The following CEP78 variants were observed in gnomAD, a reference collection of about 807,000 sequenced individuals.
CEP78 encodes the protein centrosomal protein of 78 kDa.
In CEP78, 76 loss-of-function variants were observed where a neutral mutation model predicts 81.2. That is an observed-to-expected ratio of 0.94 (90% CI 0.78 to 1.13). The LOEUF is 1.13. CEP78 is among the 50% of genes most tolerant of loss of function. The pLI, the probability that CEP78 is intolerant of heterozygous loss-of-function variation, is 0.00. For synonymous variants in CEP78, 293 were observed against 301.4 expected (o/e 0.97, Z 0.29); for missense variants, 918 against 846.8 (o/e 1.08, Z -1.04).
intron 10 of CEP78, among the ~76,000 whole-genome samples, chr9:78,254,129 T>C (rs184026586): frequency 6.6e-6 from 1 of 152,176 alleles, no homozygotes; most frequent in Non-Finnish European, 1.5e-5. Flanking sequence ...ACAGGAGAAT[T>C]GCGTTGTTAT....
At position 78,251,391 on chromosome 9, in the gene CEP78, C is replaced by G. The variant is rs111922056; in HGVS notation, c.1070-517C>G. 4.9e-3 allele frequency among the ~76,000 whole-genome samples: 748 copies of G among 152,242 alleles called. 1 individual carries two copies. The highest frequency in any genetic ancestry group is 0.017 in the African/African-American group (706 of 41,552). On this transcript the variant is annotated intron_variant, in intron 8 of 16. Coordinates refer to ENST00000643273, the MANE Select transcript of CEP78 (RefSeq NM_001330691.3). ...TACCTTTAGTCTTACAACTTGAATA[C>G]CTTTTACATGATAAAATTAATCTCA...
chr9:78,256,524 A>ATTTTT (rs35059009), intron 11 of CEP78, among the ~76,000 whole-genome samples: 4 of 76,690 alleles, frequency 5.2e-5, no homozygotes, highest in African/African-American at 1.1e-4. Context: ...CTGCTCCCTT[A>ATTTTT]TTTTTTTTTT....
chr9:78,257,737 C>T (rs1281277597), intron 11 of CEP78, among the ~76,000 whole-genome samples: 1 of 152,200 alleles, frequency 6.6e-6, no homozygotes, highest in Non-Finnish European at 1.5e-5. Context: ...GGAAAAAAAT[C>T]CACTTGAGCT....
intron 3 of CEP78, 31 bp downstream of exon 3, chr9:78,240,395 T>TCGGCCTCCCAA: frequency 6.6e-7 from 1 of 1,523,826 alleles, no homozygotes; most frequent in Non-Finnish European, 8.9e-7. Flanking sequence ...ACTCTTGTCC[T>TCGGCCTCCCAA]ATCAGGCTGG....
chr9:78,275,606 CAAAAAAAAA>C lies in CEP78; in HGVS notation c.*4766_*4774del, dbSNP rs1188633102. ...GGAGACAAGAGGGAAACTCTGTCTC[CAAAAAAAAA>C]AAAAAAAAAATACAGTTAGAAAAAC... On this transcript the variant is annotated 3_prime_UTR_variant, in exon 17 of 17. Coordinates refer to ENST00000643273, the MANE Select transcript of CEP78 (RefSeq NM_001330691.3). The C allele has an allele frequency of 1.5e-5, 1 of 68,174 alleles. No homozygotes were observed. The highest frequency in any genetic ancestry group is 5.1e-5 in the African/African-American group (1 of 19,528). The allele number at this position is 68,174 out of a possible 1,614,324, so 4.2% of individuals were successfully genotyped here. A position where few individuals can be genotyped will look rare whatever the true frequency, so the allele number is the denominator to read the frequency against.
chr9:78,244,039 A>C (rs1826362092), intron 5 of CEP78, among the ~76,000 whole-genome samples: 1 of 151,182 alleles, frequency 6.6e-6, no homozygotes, highest in Admixed American at 6.6e-5. Context: ...TTAATTCCCT[A>C]CTATTTGATA....
rs3824547 is a variant in CEP78 at position 78,253,438 on chromosome 9, G to T, written c.1251+161G>T. 0.58 allele frequency: 343,799 copies of T among 594,492 alleles called. 101,085 individuals are homozygous for T. The highest frequency in any genetic ancestry group is 0.73 in the Admixed American group (26,284 of 36,200). 36.8% of individuals were successfully genotyped at this position (594,492 alleles called of 1,614,324 possible). On this transcript the variant is annotated intron_variant, in intron 10 of 16. Transcript: ENST00000643273. ...GGGTTCTCCCGGTGCCACAGTATAG[G>T]CGTGTGGATATGTCACACAATGGAG...
intron 14 of CEP78, 78 bp downstream of exon 14, chr9:78,265,621 A>G: frequency 3.0e-6 from 4 of 1,336,348 alleles, no homozygotes; most frequent in Admixed American, 2.3e-5. Context: ...AGAGAAAAGA[A>G]TAATGATCTG....
At chr9:78,243,416 T>G (rs1826321247) in intron 4 of CEP78, 46 bp from the exon 5 acceptor site, 2 of 1,528,976 alleles carry the variant, frequency 1.3e-6, no homozygotes, top group East Asian at 4.5e-5. Flanking sequence ...AGTGTTCCTA[T>G]CTCTTTATCC....
Position 78,236,395 on chromosome 9 carries a change from C to T in CEP78, c.45C>T (p.Phe15=), listed in dbSNP as rs748284703. 1.7e-5 allele frequency: 27 copies of T among 1,594,820 alleles called. No individual in the cohort carries two copies. The highest frequency in any genetic ancestry group is 2.3e-5 in the East Asian group (1 of 43,968). Residue 15 remains phenylalanine, a synonymous_variant, in exon 1 of 17, where the codon TTC becomes TTT. Transcript: ENST00000643273. ...VKLRRDSAAD[F]FSHYEYLCAL... is the part of the protein sequence containing the mutation. ...TGCGCCGCGACAGCGCGGCGGACTT[C>T]TTCTCCCACTACGAGTACCTGTGCG...
chr9:78,253,000 A>G (rs958421262), intron 9 of CEP78, among the ~76,000 whole-genome samples: 1 of 152,222 alleles, frequency 6.6e-6, no homozygotes, highest in East Asian at 1.9e-4. Context: ...AATCTGAACC[A>G]TCCTAAACAT....
chr9:78,265,035 A>G (rs1008928173), intron 13 of CEP78, among the ~76,000 whole-genome samples: 1 of 152,156 alleles, frequency 6.6e-6, no homozygotes, highest in Non-Finnish European at 1.5e-5. Context: ...TGTGGGGATG[A>G]AGGTGAGAGG....
intron 16 of CEP78, among the ~76,000 whole-genome samples, chr9:78,268,489 G>T (rs1413415043): frequency 6.6e-6 from 1 of 152,120 alleles, no homozygotes; most frequent in African/African-American, 2.4e-5. Flanking sequence ...GCTCAGGCTT[G>T]CATTTTAGAT....
At chr9:78,248,602 T>G (rs1826609164) in intron 7 of CEP78, among the ~76,000 whole-genome samples, 160 bp from the exon 8 acceptor site, 1 of 152,244 alleles carries the variant, frequency 6.6e-6, no homozygotes. Flanking sequence ...AAATGTCTTT[T>G]CTGTTTTTGT....
intron 16 of CEP78, chr9:78,267,184 T>C: frequency 1.9e-6 from 1 of 521,144 alleles, no homozygotes; most frequent in Non-Finnish European, 3.3e-6. Flanking sequence ...TTTACAACAT[T>C]GATTCAGCAA....
At chr9:78,236,955 A>G (rs1308489610) in intron 1 of CEP78, among the ~76,000 whole-genome samples, 1 of 136,384 alleles carries the variant, frequency 7.3e-6, no homozygotes, top group African/African-American at 2.8e-5. Flanking sequence ...AAATTAATAC[A>G]TGTCAGCCTT....
At chr9:78,248,638 G>T in intron 7 of CEP78, 124 bp from the exon 8 acceptor site, 1 of 626,534 alleles carries the variant, frequency 1.6e-6, no homozygotes. Context: ...CTTTAATTTT[G>T]GGTCCCAGAA....
In CEP78 at chr9:78,276,248, T is replaced by A. The variant is rs1040571352; in HGVS notation, c.*5397T>A. 17 of 152,196 alleles carry A rather than the reference T, an allele frequency of 1.1e-4. No homozygotes were observed. The highest frequency in any genetic ancestry group is 3.3e-4 in the Admixed American group (5 of 15,278). 9.4% of individuals were successfully genotyped at this position (152,196 alleles called of 1,614,324 possible). ...AGTAACTCACTGTAGCTCACTAAAT[T>A]AACAGATTAAAGAAGTATAGTCATC... On this transcript the variant is annotated 3_prime_UTR_variant, in exon 17 of 17. Transcript: ENST00000643273.
rs957109255 is a variant in CEP78 at position 78,266,509 on chromosome 9, C to T, written c.1913C>T (p.Thr638Ile). ...PLDSFPVPVS[T>I]PEGLGTSSNN... is the part of the protein sequence containing the mutation. Reference sequence around the variant, plus strand: ...GACTCCTTTCCTGTCCCAGTTTCTACTCCAGAGGGCTTAGGAACTTCCAGC... The same window carrying T: ...GACTCCTTTCCTGTCCCAGTTTCTATTCCAGAGGGCTTAGGAACTTCCAGC... The change falls in exon 16 of 17, where the codon ACT becomes ATT. Residue 638 changes from threonine to isoleucine, a missense_variant. By Grantham distance (89) the Thr-to-Ile change is moderately conservative (BLOSUM62 -1). Transcript: ENST00000643273. The T allele has an allele frequency of 1.9e-5, 30 of 1,613,620 alleles. No homozygotes were observed. Among genetic ancestry groups the T allele is most frequent in the Non-Finnish European group, 2.2e-5 (26 of 1,179,596 alleles).
Sources: allele counts gnomAD v4.1 joint callset (sites outside exome capture counted in the v4.1 genomes callset), GRCh38; gene constraint gnomAD v4.1.1; transcripts MANE v1.5; gene names NCBI Gene and HGNC (gene_info 2026-07-23, HGNC 2026-07-21).